Variants in ARMCX4 observed in about 807,000 individuals in gnomAD.
The protein encoded by ARMCX4 is armadillo repeat containing X-linked 4, also known as armadillo repeat-containing X-linked protein 4.
In ARMCX4, 3 loss-of-function variants were observed where a neutral mutation model predicts 34.7. The observed-to-expected ratio is 0.09, with a 90% CI of 0.04 to 0.22. ARMCX4 has a LOEUF of 0.22. Ranked by LOEUF, ARMCX4 falls within the 10% of genes least tolerant of loss-of-function variation. The probability of loss-of-function intolerance (pLI) is 1.00; values close to 1 mark genes in which losing one functional copy is unlikely to be tolerated. For missense variants in ARMCX4, 1,448 were observed against 1,720.8 expected (o/e 0.84, Z 2.81); for synonymous variants, 513 against 632.8 (o/e 0.81, Z 2.84).
At chrX:101,529,571 T>C (rs1935070648) in intron 11 of ARMCX4, among the ~76,000 whole-genome samples, 1 of 111,774 alleles carries the variant, frequency 8.9e-6, no homozygotes, top group Non-Finnish European at 1.9e-5. Context: ...AGAAAATTTT[T>C]GCAATCTACT....
intron 5 of ARMCX4, 33 bp downstream of exon 5, chrX:101,488,132 G>GTC: frequency 1.6e-6 from 1 of 611,087 alleles, no homozygotes; most frequent in South Asian, 2.5e-5. Context: ...GTAGACAGGT[G>GTC]ACCAGAGTAG....
At chrX:101,466,334 ATAGAGT>A (rs1381100373) in intron 4 of ARMCX4, among the ~76,000 whole-genome samples, 1 of 111,868 alleles carries the variant, frequency 8.9e-6, no homozygotes, top group African/African-American at 3.2e-5. Flanking sequence ...AGAGTTTTGT[ATAGAGT>A]TAAACATACA....
At chrX:101,482,860 CT>C (rs1556005672), upstream of ARMCX4, among the ~76,000 whole-genome samples, 1 of 107,355 alleles carries the variant, frequency 9.3e-6, no homozygotes, top group African/African-American at 3.4e-5. Context: ...AATCTCTCCC[CT>C]ATCAATAGCC....
intron 11 of ARMCX4, among the ~76,000 whole-genome samples, chrX:101,521,048 C>T (rs949226805): frequency 4.6e-5 from 5 of 108,308 alleles, no homozygotes; most frequent in Non-Finnish European, 3.8e-5. Context: ...CCTCCTTCCT[C>T]AGCCTCCCGA....
chrX:101,494,166 C>T lies in ARMCX4; in HGVS notation c.5577C>T (p.Thr1859=). ...TTTGGTCCTGGGATGGAGATGCAAC[C>T]ACTGTAGAGTCTAGGCTTGGGGCTG... ...AGIWSWDGDA[T]TVESRLGAGE... The change falls in exon 6 of 6, where the codon ACC becomes ACT. Residue 1859 remains threonine, a synonymous_variant. Transcript: ENST00000423738. 9.4e-7 allele frequency: 1 copy of T among 1,061,431 alleles called. No individual in the cohort carries two copies. The allele number at this position is 1,061,431 out of a possible 1,213,427, so 87.5% of individuals were successfully genotyped here.
intron 11 of ARMCX4, among the ~76,000 whole-genome samples, chrX:101,515,078 A>G (rs891706921): frequency 9.0e-6 from 1 of 111,518 alleles, no homozygotes; most frequent in African/African-American, 3.3e-5. Flanking sequence ...TTTATACAGT[A>G]CTTGTGTTGG....
At chrX:101,501,358 C>A (rs1053477945) in intron 7 of ARMCX4, among the ~76,000 whole-genome samples, 1 of 112,989 alleles carries the variant, frequency 8.9e-6, no homozygotes, top group Non-Finnish European at 1.9e-5. Context: ...GGGTTCTTGG[C>A]TTCACTCAGG....
chrX:101,493,248 G>T lies in ARMCX4; in HGVS notation c.4659G>T (p.Gln1553His). 8.7e-7 allele frequency: 1 copy of T among 1,155,915 alleles called. No individual in the cohort carries two copies. The highest frequency in any genetic ancestry group is 1.9e-5 in the South Asian group (1 of 52,739). Residue 1553 changes from glutamine to histidine, a missense_variant, in exon 6 of 6, where the codon CAG becomes CAT. Physicochemically the swap from Gln to His is conservative, Grantham distance 24. This residue lies in a region of ARMCX4 where 1,343 missense variants were observed against 1,540.7 expected (regional missense o/e 0.87). Transcript: ENST00000423738. ...SAGSWDSPGS[Q>H]VSGSCWTGAG... ...GGTCCTGGGATAGCCCTGGGAGTCA[G>T]GTCAGTGGAAGCTGCTGGACTGGGG...
chrX:101,512,858 A>ATG (rs782527991), intron 11 of ARMCX4, among the ~76,000 whole-genome samples: 29 of 45,520 alleles, frequency 6.4e-4, no homozygotes, highest in African/African-American at 1.7e-3. Context: ...ATGTGTATAT[A>ATG]TGTATATATA....
chrX:101,530,988 T>C (rs1414528271), intron 11 of ARMCX4, among the ~76,000 whole-genome samples: 2 of 112,457 alleles, frequency 1.8e-5, no homozygotes, highest in Non-Finnish European at 3.8e-5. Context: ...CTCAATTGCT[T>C]AAAACAAGAC....
chrX:101,455,917 G>A (rs1458666759), intron 4 of ARMCX4, among the ~76,000 whole-genome samples: 1 of 111,060 alleles, frequency 9.0e-6, no homozygotes, highest in African/African-American at 3.3e-5. Context: ...GAGACATACG[G>A]TTTTCTGTTT....
At chrX:101,511,230 C>CA (rs1934573583) in intron 11 of ARMCX4, among the ~76,000 whole-genome samples, 2 of 110,492 alleles carry the variant, frequency 1.8e-5, no homozygotes, top group African/African-American at 6.6e-5. Flanking sequence ...TTCTGTTTTA[C>CA]CTCCCATATG....
intron 11 of ARMCX4, among the ~76,000 whole-genome samples, chrX:101,528,904 C>T (rs1935050592): frequency 9.0e-6 from 1 of 111,506 alleles, no homozygotes; most frequent in Admixed American, 9.6e-5. Context: ...AATGGCCATA[C>T]TGCCCAAGGT....
intron 3 of ARMCX4, 81 bp from the exon 4 acceptor site, chrX:101,487,527 T>G: frequency 7.4e-6 from 3 of 406,450 alleles, no homozygotes; most frequent in Non-Finnish European, 1.2e-5. Flanking sequence ...GAGGCAGACA[T>G]TGGGGTCAGG....
At chrX:101,515,003 T>C (rs1934676914) in intron 11 of ARMCX4, among the ~76,000 whole-genome samples, 1 of 111,943 alleles carries the variant, frequency 8.9e-6, no homozygotes, top group South Asian at 3.8e-4. Flanking sequence ...TCAGACACCC[T>C]GAGAGTTGGG....
At chrX:101,446,221 C>G (rs1931615625), downstream of ARMCX4, 2 of 111,618 alleles carry the variant, frequency 1.8e-5, no homozygotes, top group Non-Finnish European at 3.8e-5. Context: ...CTTCAGCCAC[C>G]CTGATTTCTT....
chrX:101,428,021 C>T (rs142964512), intron 2 of ARMCX4, among the ~76,000 whole-genome samples: 40 of 112,101 alleles, frequency 3.6e-4, no homozygotes, highest in Middle Eastern at 4.6e-3. Flanking sequence ...TCAACAACTC[C>T]ATTCCTAGAA....
intron 4 of ARMCX4, among the ~76,000 whole-genome samples, chrX:101,461,463 C>G (rs782714862): frequency 8.9e-6 from 1 of 112,242 alleles, no homozygotes; most frequent in Non-Finnish European, 1.9e-5. Flanking sequence ...TTCATCCATT[C>G]GTGGACATTT....
chrX:101,465,583 G>C (rs1039912830), intron 4 of ARMCX4, among the ~76,000 whole-genome samples: 1 of 112,152 alleles, frequency 8.9e-6, no homozygotes, highest in Admixed American at 9.5e-5. Flanking sequence ...TGCGGCAGTA[G>C]TTTGTTCATT....
Sources: allele counts gnomAD v4.1 joint callset (sites outside exome capture counted in the v4.1 genomes callset), GRCh38; gene constraint gnomAD v4.1.1; regional missense constraint gnomAD v4.1.1; transcripts MANE v1.5; gene names NCBI Gene and HGNC (gene_info 2026-07-23, HGNC 2026-07-21).